The following SCEL variants were observed in gnomAD, a reference collection of about 807,000 sequenced individuals.
SCEL encodes the protein sciellin.
Under a neutral mutation model 117.6 loss-of-function variants are expected in SCEL, and 113 were observed. That is an observed-to-expected ratio of 0.96 (90% CI 0.83 to 1.12). SCEL has a LOEUF of 1.12. Ranked by LOEUF, SCEL falls within the 50% of genes most tolerant of loss-of-function variation. SCEL has a pLI of 0.00. For synonymous variants in SCEL, 270 were observed against 256.2 expected (o/e 1.05, Z -0.51); for missense variants, 785 against 810.8 (o/e 0.97, Z 0.39).
At chr13:77,636,737 G>A (rs1379500774) in intron 29 of SCEL, among the ~76,000 whole-genome samples, 1 of 152,094 alleles carries the variant, frequency 6.6e-6, no homozygotes, top group Non-Finnish European at 1.5e-5. Flanking sequence ...TTCTCTCTGT[G>A]AATGGTGTAT....
Position 77,604,355 on chromosome 13 carries a change from G to GA in SCEL, c.1104dup (p.Asp369ArgfsTer3). ...ATTAAAATTAATTTCCTTTTTCAAA[G>GA]AAAAAAAGACCTTGATGGGCTTATT... is the stretch of plus-strand genomic sequence containing the variant. On this transcript the variant is annotated frameshift_variant and splice_region_variant. Transcript: ENST00000349847. LOFTEE classifies it high-confidence loss of function. 2 of 1,550,326 alleles carry GA rather than the reference G, an allele frequency of 1.3e-6. No individual in the cohort carries two copies. The highest frequency in any genetic ancestry group is 2.2e-5 in the Admixed American group (1 of 45,688).
At chr13:77,562,368 T>C (rs926109022) in intron 4 of SCEL, among the ~76,000 whole-genome samples, 3 of 152,180 alleles carry the variant, frequency 2.0e-5, no homozygotes, top group Admixed American at 6.5e-5. Context: ...CACACCATGA[T>C]TTCACTCTGG....
At chr13:77,557,042 T>G (rs903045710) in intron 3 of SCEL, among the ~76,000 whole-genome samples, 3 of 152,186 alleles carry the variant, frequency 2.0e-5, no homozygotes, top group Non-Finnish European at 2.9e-5. Context: ...TAACAGTTAA[T>G]CCATGATCGG....
At chr13:77,601,397 A>G (rs1409494874) in intron 15 of SCEL, among the ~76,000 whole-genome samples, 3 of 152,204 alleles carry the variant, frequency 2.0e-5, no homozygotes, top group Non-Finnish European at 4.4e-5. Flanking sequence ...TCTCACATTG[A>G]AATAACTTAA....
chr13:77,561,075 TC>T (rs1422999999), intron 4 of SCEL, among the ~76,000 whole-genome samples: 2 of 152,226 alleles, frequency 1.3e-5, no homozygotes, highest in Non-Finnish European at 2.9e-5. Flanking sequence ...TGGCAGACTC[TC>T]TGCCGAGGCC....
At chr13:77,610,217 C>T in intron 22 of SCEL, 111 bp downstream of exon 22, 1 of 618,186 alleles carries the variant, frequency 1.6e-6, no homozygotes, top group Non-Finnish European at 2.7e-6. Context: ...GTTTAGGAGG[C>T]CGAGGCGGGA....
At chr13:77,592,924 T>C (rs1388423748) in intron 11 of SCEL, among the ~76,000 whole-genome samples, 1 of 152,172 alleles carries the variant, frequency 6.6e-6, no homozygotes, top group East Asian at 1.9e-4. Context: ...CCAGGGATAT[T>C]GGCATTGATC....
chr13:77,626,051 A>G (rs2089714845), intron 27 of SCEL, among the ~76,000 whole-genome samples: 2 of 152,230 alleles, frequency 1.3e-5, no homozygotes, highest in African/African-American at 4.8e-5. Flanking sequence ...CAATAAAGAC[A>G]TATCCAAGAC....
intron 13 of SCEL, among the ~76,000 whole-genome samples, chr13:77,598,011 G>A (rs1037643729): frequency 6.7e-6 from 1 of 149,950 alleles, no homozygotes; most frequent in African/African-American, 2.5e-5. Context: ...ACCCAGGCTG[G>A]AGTGCAGTGG....
intron 21 of SCEL, among the ~76,000 whole-genome samples, chr13:77,609,604 T>C (rs2088487396): frequency 6.6e-6 from 1 of 152,204 alleles, no homozygotes; most frequent in Admixed American, 6.5e-5. Flanking sequence ...AGATATTTGG[T>C]GTCATGGTAA....
At chr13:77,579,851 GA>G (rs1457443735) in intron 9 of SCEL, among the ~76,000 whole-genome samples, 1 of 152,066 alleles carries the variant, frequency 6.6e-6, no homozygotes, top group Non-Finnish European at 1.5e-5. Context: ...AGGCAGAAAG[GA>G]GAGGAGGAGC....
intron 16 of SCEL, 37 bp from the exon 17 acceptor site, chr13:77,602,617 G>A (rs761959134): frequency 5.7e-6 from 9 of 1,576,358 alleles, no homozygotes; most frequent in Non-Finnish European, 7.9e-6. Context: ...AAATTGTACT[G>A]TAACCTAACT....
At chr13:77,643,402 G>A (rs1167242544) in intron 32 of SCEL, among the ~76,000 whole-genome samples, 1 of 152,062 alleles carries the variant, frequency 6.6e-6, no homozygotes, top group South Asian at 2.1e-4. Flanking sequence ...AGTTTTAAAA[G>A]CTAATTTAAG....
rs917352683 is a variant in SCEL, at chr13:77,607,889, A to AT, written c.1158-164dup. Among the ~76,000 whole-genome samples, 24 of 152,176 alleles carry AT rather than the reference A, an allele frequency of 1.6e-4. No individual in the cohort carries two copies. In the South Asian group the frequency reaches 1.7e-3, roughly 10 times the overall value. On this transcript the variant is annotated intron_variant, in intron 19 of 32. Coordinates refer to ENST00000349847, the MANE Select transcript of SCEL (RefSeq NM_144777.3). ...TTCAGAGATGTACAAATCCCTACAT[A>AT]TTTCTGCATAGTCACCTTTCACAAT...
intron 1 of SCEL, among the ~76,000 whole-genome samples, chr13:77,538,840 G>A (rs2083550531): frequency 2.0e-5 from 3 of 152,048 alleles, no homozygotes; most frequent in Non-Finnish European, 4.4e-5. Context: ...AAGCCTCCTG[G>A]GGAAAGACAG....
intron 31 of SCEL, 38 bp from the exon 32 acceptor site, chr13:77,642,668 T>G (rs2090612680): frequency 2.4e-6 from 3 of 1,245,696 alleles, no homozygotes; most frequent in Non-Finnish European, 3.4e-6. Flanking sequence ...TAGATTTCAT[T>G]TACAATGGAA....
At chr13:77,589,280 G>C in intron 10 of SCEL, 56 bp downstream of exon 10, 1 of 1,317,340 alleles carries the variant, frequency 7.6e-7, no homozygotes, top group Non-Finnish European at 1.1e-6. Context: ...GGAAATGAAA[G>C]TAAATGGACT....
rs184430417 is a variant in SCEL at position 77,619,996 on chromosome 13, T to C, written c.1628+1936T>C. On this transcript the variant is annotated intron_variant, in intron 27 of 32. Transcript: ENST00000349847. ...AATTTGGTAGAAAGTTAGTTTGTAT[T>C]TCAGCAACTCCTAATGAAATATCCG... Among the ~76,000 whole-genome samples, 33 of 152,302 alleles carry C rather than the reference T, an allele frequency of 2.2e-4. 2 individuals are homozygous for C. Among genetic ancestry groups the C allele is most frequent in the Admixed American group, 2.2e-3 (33 of 15,290 alleles).
intron 27 of SCEL, among the ~76,000 whole-genome samples, chr13:77,626,416 T>C (rs779988104): frequency 1.1e-4 from 17 of 152,328 alleles, no homozygotes; most frequent in Middle Eastern, 6.8e-3. Flanking sequence ...CTCACCACAA[T>C]TGTATGAGTT....
Sources: gnomAD v4.1 joint callset for allele counts (sites outside exome capture counted in the v4.1 genomes callset) on GRCh38, gnomAD v4.1.1 for gene constraint, MANE v1.5 for transcripts, NCBI Gene and HGNC (gene_info 2026-07-23, HGNC 2026-07-21) for gene names.